Variants in MND1 observed in about 807,000 individuals in gnomAD.
The protein encoded by MND1 is meiotic nuclear divisions 1.
MND1 carries 28 observed loss-of-function variants against 35.1 expected under a neutral mutation model. The ratio of observed to expected loss-of-function variants is 0.80; its 90% CI spans 0.59 to 1.09. The LOEUF (loss-of-function observed/expected upper bound fraction) is 1.09, where lower values mean the gene tolerates loss of function less well. MND1 is among the 50% of genes least tolerant of loss of function. MND1 has a pLI of 0.00. For synonymous variants in MND1, 69 were observed against 70.5 expected (o/e 0.98, Z 0.11); for missense variants, 213 against 239.6 (o/e 0.89, Z 0.73).
At chr4:153,350,710 A>G (rs555948320) in intron 2 of MND1, among the ~76,000 whole-genome samples, 1 of 152,274 alleles carries the variant, frequency 6.6e-6, no homozygotes, top group African/African-American at 2.4e-5. Context: ...TCTACAGCCT[A>G]CTGTCTCATG....
intron 4 of MND1, among the ~76,000 whole-genome samples, chr4:153,370,822 GAT>G (rs1298567502): frequency 6.6e-6 from 1 of 152,014 alleles, no homozygotes; most frequent in Non-Finnish European, 1.5e-5. Flanking sequence ...CCTGGCCACA[GAT>G]ATTCTTAATG....
At chr4:153,391,730 A>G (rs1025516935) in intron 4 of MND1, among the ~76,000 whole-genome samples, 12 of 150,426 alleles carry the variant, frequency 8.0e-5, no homozygotes, top group Admixed American at 1.3e-4. Flanking sequence ...TCCATCATAC[A>G]CACACACACA....
chr4:153,345,795 G>A (rs1454891522), intron 1 of MND1, among the ~76,000 whole-genome samples: 1 of 152,242 alleles, frequency 6.6e-6, no homozygotes, highest in Non-Finnish European at 1.5e-5. Context: ...TAACAACCCA[G>A]CCACCTGGGC....
intron 4 of MND1, among the ~76,000 whole-genome samples, chr4:153,362,399 G>T (rs953945896): frequency 5.3e-5 from 8 of 152,054 alleles, no homozygotes. Context: ...CATGAGATCT[G>T]GCTGTTTAAG....
intron 4 of MND1, among the ~76,000 whole-genome samples, chr4:153,392,685 T>G (rs1209683230): frequency 6.6e-6 from 1 of 152,214 alleles, no homozygotes; most frequent in Non-Finnish European, 1.5e-5. Flanking sequence ...AACCAGTCCT[T>G]TTTGATGTGT....
At chr4:153,401,294 A>C (rs1476785535) in intron 6 of MND1, among the ~76,000 whole-genome samples, 1 of 152,148 alleles carries the variant, frequency 6.6e-6, no homozygotes, top group Admixed American at 6.5e-5. Flanking sequence ...GCCTTAAGAC[A>C]ACTTCAAGGG....
chr4:153,411,474 G>C (rs1222231596), intron 7 of MND1, among the ~76,000 whole-genome samples: 1 of 152,124 alleles, frequency 6.6e-6, no homozygotes, highest in Non-Finnish European at 1.5e-5. Context: ...ATTTTATCTT[G>C]AAGGCCGACA....
intron 6 of MND1, among the ~76,000 whole-genome samples, chr4:153,407,164 A>G (rs980619978): frequency 2.6e-5 from 4 of 152,222 alleles, no homozygotes; most frequent in Non-Finnish European, 2.9e-5. Context: ...GCTATAATGT[A>G]AAAATAGAAA....
At chr4:153,392,888 G>T (rs1428163007) in intron 4 of MND1, among the ~76,000 whole-genome samples, 1 of 152,210 alleles carries the variant, frequency 6.6e-6, no homozygotes, top group Non-Finnish European at 1.5e-5. Flanking sequence ...GGGAGGCTGA[G>T]GTCGGAAGAT....
intron 6 of MND1, among the ~76,000 whole-genome samples, chr4:153,399,304 A>G (rs1294935685): frequency 6.6e-6 from 1 of 152,072 alleles, no homozygotes; most frequent in East Asian, 1.9e-4. Flanking sequence ...TGCCACAGCT[A>G]TTTCCATGGG....
chr4:153,408,912 G>GTGTGTA (rs936713652), intron 6 of MND1, 59 bp from the exon 7 acceptor site: 78 of 318,432 alleles, frequency 2.4e-4, no homozygotes, highest in African/African-American at 1.6e-3. Context: ...CATTTTGTGT[G>GTGTGTA]TATATATATA....
At chr4:153,394,751 T>A (rs1204627367) in intron 5 of MND1, among the ~76,000 whole-genome samples, 1 of 148,806 alleles carries the variant, frequency 6.7e-6, no homozygotes, top group Non-Finnish European at 1.5e-5. Context: ...AAGACTCTTT[T>A]AAAAAAAATT....
intron 3 of MND1, among the ~76,000 whole-genome samples, chr4:153,357,071 C>T (rs1773364254): frequency 6.6e-6 from 1 of 152,320 alleles, no homozygotes; most frequent in East Asian, 1.9e-4. Context: ...GATCTACCTG[C>T]CTTGGCCTCC....
intron 4 of MND1, among the ~76,000 whole-genome samples, chr4:153,384,480 A>G: frequency 1.2e-5 from 1 of 84,162 alleles, no homozygotes. Flanking sequence ...TTTGTCAGAG[A>G]TAGGGTCTTG....
intron 7 of MND1, among the ~76,000 whole-genome samples, chr4:153,410,629 T>G (rs561395859): frequency 5.9e-4 from 90 of 152,354 alleles, no homozygotes; most frequent in African/African-American, 2.1e-3. Context: ...ATCATATAGC[T>G]TTTAAAGTTT....
chr4:153,405,898 G>A (rs1002743333), intron 6 of MND1, among the ~76,000 whole-genome samples: 16 of 151,992 alleles, frequency 1.1e-4, no homozygotes, highest in African/African-American at 3.6e-4. Context: ...TCTGCCTCCC[G>A]GGTTCAGGCC....
intron 3 of MND1, among the ~76,000 whole-genome samples, chr4:153,356,907 C>G (rs777632530): frequency 4.5e-4 from 69 of 152,182 alleles, no homozygotes; most frequent in Non-Finnish European, 9.7e-4. Flanking sequence ...ACTGCAACCT[C>G]TGTCTCCCGG....
chr4:153,414,731 T>A lies in MND1; in HGVS notation c.512-20T>A. On this transcript the variant is annotated intron_variant, in intron 7 of 7. Coordinates refer to ENST00000240488, the MANE Select transcript of MND1 (RefSeq NM_032117.4). ...TATGATTGTGTTTTTCTCAAAATTATTTCTCAATTTTCTTTATAGATAACA... is the reference window on the plus strand; with the variant it reads ...TATGATTGTGTTTTTCTCAAAATTAATTCTCAATTTTCTTTATAGATAACA... 1 of 1,100,656 alleles carries A rather than the reference T, an allele frequency of 9.1e-7. No individual in the cohort carries two copies. Among genetic ancestry groups the A allele is most frequent in the Non-Finnish European group, 1.3e-6 (1 of 758,564 alleles). The allele number at this position is 1,100,656 out of a possible 1,614,324, so 68.2% of individuals were successfully genotyped here.
intron 4 of MND1, among the ~76,000 whole-genome samples, chr4:153,387,289 T>C (rs1027557693): frequency 1.1e-4 from 17 of 152,140 alleles, no homozygotes; most frequent in Admixed American, 4.6e-4. Flanking sequence ...AACACTTCCA[T>C]TGGTTGTGTA....
Sources: gnomAD v4.1 joint callset for allele counts (sites outside exome capture counted in the v4.1 genomes callset) on GRCh38, gnomAD v4.1.1 for gene constraint, MANE v1.5 for transcripts, NCBI Gene and HGNC (gene_info 2026-07-23, HGNC 2026-07-21) for gene names.